The following LIN54 variants were observed in gnomAD, a reference collection of about 807,000 sequenced individuals.
LIN54 encodes the protein lin-54 DREAM MuvB core complex component.
A neutral mutation model predicts 78.7 loss-of-function variants in LIN54; 9 were observed. The ratio of observed to expected loss-of-function variants is 0.11; its 90% CI spans 0.07 to 0.20. LIN54 has a LOEUF of 0.20. Among genes scored for constraint, LIN54 ranks in the 10% least tolerant of loss-of-function variants. The pLI, the probability that LIN54 is intolerant of heterozygous loss-of-function variation, is 1.00. For synonymous variants in LIN54, 269 were observed against 318.4 expected (o/e 0.84, Z 1.65); for missense variants, 573 against 889.9 (o/e 0.64, Z 4.53).
At chr4:82,972,398 G>GT (rs1176917983) in intron 3 of LIN54, among the ~76,000 whole-genome samples, 1 of 151,892 alleles carries the variant, frequency 6.6e-6, no homozygotes, top group Non-Finnish European at 1.5e-5. Context: ...ATTCTGCCAG[G>GT]TTTTTTAAAA....
chr4:83,004,883 G>A lies in LIN54; in HGVS notation c.-33+5601C>T, dbSNP rs576374997. ...TGGTTTTACAGTTTTGTTTACATTA[G>A]ATTTATAAATTTACTTTTTGTTTGT... On this transcript the variant is annotated intron_variant, in intron 1 of 12. Transcript: ENST00000340417. 5.9e-5 allele frequency among the ~76,000 whole-genome samples: 9 copies of A among 152,052 alleles called. No homozygotes were observed. In the South Asian group the frequency reaches 1.9e-3, roughly 32 times the overall value.
rs571516075 is a variant in LIN54 at position 82,926,115 on chromosome 4, A to G, written c.*1987T>C. 1 of 152,750 alleles carries G rather than the reference A, an allele frequency of 6.5e-6. No homozygotes were observed. Among genetic ancestry groups the G allele is most frequent in the South Asian group, 2.1e-4 (1 of 4,834 alleles). 9.5% of individuals were successfully genotyped at this position (152,750 alleles called of 1,614,324 possible). On this transcript the variant is annotated 3_prime_UTR_variant, in exon 13 of 13. Coordinates refer to ENST00000340417, the MANE Select transcript of LIN54 (RefSeq NM_194282.4). ...GCAATGCCATCATACATAATCTACAATTGTAATCAAAATTTCACGAACATT... is the reference window on the plus strand; with the variant it reads ...GCAATGCCATCATACATAATCTACAGTTGTAATCAAAATTTCACGAACATT...
chr4:83,012,122 T>A (rs2126121478), upstream of LIN54: 1 of 687,300 alleles, frequency 1.5e-6, no homozygotes, highest in African/African-American at 1.9e-5. Flanking sequence ...GACTACCAGA[T>A]GCTGAGAGTA....
intron 1 of LIN54, among the ~76,000 whole-genome samples, chr4:83,002,948 A>G (rs970979630): frequency 3.3e-5 from 5 of 152,158 alleles, no homozygotes; most frequent in Non-Finnish European, 4.4e-5. Context: ...TCAAGGGTCA[A>G]CTGTATTTTT....
intron 1 of LIN54, among the ~76,000 whole-genome samples, chr4:82,995,705 C>A (rs1728158000): frequency 6.6e-6 from 1 of 151,586 alleles, no homozygotes; most frequent in African/African-American, 2.4e-5. Flanking sequence ...CCATGTTAGC[C>A]AGGCTGGTCT....
rs1010515116 is a variant in LIN54 at position 82,927,179 on chromosome 4, A to C, written c.*923T>G. 3.9e-5 allele frequency: 6 copies of C among 151,902 alleles called. No individual in the cohort carries two copies. Among genetic ancestry groups the C allele is most frequent in the Admixed American group, 6.6e-5 (1 of 15,246 alleles). 9.4% of individuals were successfully genotyped at this position (151,902 alleles called of 1,614,324 possible). ...AAAAAAAAAAAAAGTCTGTAAAAAT[A>C]ATTGATTGTATAGATGAAAACTTCT... is the stretch of plus-strand genomic sequence containing the variant. On this transcript the variant is annotated 3_prime_UTR_variant, in exon 13 of 13. Transcript: ENST00000340417.
At chr4:82,947,207 T>TTATATATATATATATATATA (rs1207992875) in intron 4 of LIN54, among the ~76,000 whole-genome samples, 2 of 76,222 alleles carry the variant, frequency 2.6e-5, no homozygotes, top group African/African-American at 1.1e-4. Flanking sequence ...AAAAAAAAAT[T>TTATATATATATATATATATA]TATATATATA....
chr4:82,984,928 G>A, intron 1 of LIN54, 52 bp from the exon 2 acceptor site: 3 of 1,320,260 alleles, frequency 2.3e-6, no homozygotes, highest in East Asian at 2.4e-5. Flanking sequence ...AAAGATGTAA[G>A]AAAAAAATTC....
At chr4:83,001,600 C>A (rs1288469798) in intron 1 of LIN54, among the ~76,000 whole-genome samples, 3 of 151,038 alleles carry the variant, frequency 2.0e-5, no homozygotes, top group African/African-American at 4.9e-5. Context: ...AATCCCAGCA[C>A]CTTGGGAGGC....
rs568453277 is a variant in LIN54, at chr4:82,963,248, T to G, written c.951+7079A>C. 3.9e-5 allele frequency among the ~76,000 whole-genome samples: 6 copies of G among 152,250 alleles called. No individual in the cohort carries two copies. In the East Asian group the frequency reaches 7.7e-4, roughly 20 times the overall value. ...CTCTCAATTCTTTACCCAATGAAAA[T>G]ATCTTTTAAAAATAATGGCAAGATA... is the stretch of plus-strand genomic sequence containing the variant. On this transcript the variant is annotated intron_variant, in intron 4 of 12. Coordinates refer to ENST00000340417, the MANE Select transcript of LIN54 (RefSeq NM_194282.4).
At chr4:82,954,870 C>A (rs749632502) in intron 4 of LIN54, among the ~76,000 whole-genome samples, 2 of 152,126 alleles carry the variant, frequency 1.3e-5, no homozygotes, top group Non-Finnish European at 2.9e-5. Flanking sequence ...GGCTCACAGA[C>A]CTAAACATAA....
intron 4 of LIN54, among the ~76,000 whole-genome samples, chr4:82,947,172 A>G (rs1158976991): frequency 1.4e-5 from 2 of 144,968 alleles, no homozygotes; most frequent in East Asian, 4.0e-4. Flanking sequence ...TTGTCTAGGG[A>G]AACTAGTTTT....
intron 4 of LIN54, among the ~76,000 whole-genome samples, chr4:82,969,307 A>T (rs1019992445): frequency 2.0e-5 from 3 of 152,188 alleles, no homozygotes; most frequent in East Asian, 3.8e-4. Context: ...TCCATCTATG[A>T]CCATTGTAAT....
At chr4:83,011,104 CA>C (rs2126120823), upstream of LIN54, among the ~76,000 whole-genome samples, 1 of 152,292 alleles carries the variant, frequency 6.6e-6, no homozygotes, top group East Asian at 1.9e-4. Context: ...ATAAAGAACC[CA>C]AACTCTTTCA....
chr4:82,926,870 T>C lies in LIN54; in HGVS notation c.*1232A>G, dbSNP rs1193991954. 1.3e-5 allele frequency: 2 copies of C among 152,186 alleles called. No individual in the cohort carries two copies. Among genetic ancestry groups the C allele is most frequent in the Non-Finnish European group, 2.9e-5 (2 of 68,050 alleles). 9.4% of individuals were successfully genotyped at this position (152,186 alleles called of 1,614,324 possible). A position where few individuals can be genotyped will look rare whatever the true frequency, so the allele number is the denominator to read the frequency against. The stretch of plus-strand genomic sequence containing the variant: ...AGTTCAAAAGTCTATAAAAAGGGCC[T>C]GGCACGGCGGCTTATGCCTGTAATC... On this transcript the variant is annotated 3_prime_UTR_variant, in exon 13 of 13. Transcript: ENST00000340417.
chr4:82,933,301 C>T (rs954202605), intron 11 of LIN54, among the ~76,000 whole-genome samples: 10 of 149,926 alleles, frequency 6.7e-5, no homozygotes, highest in African/African-American at 2.4e-4. Flanking sequence ...ATAGGAAAGA[C>T]ATTAATAGTG....
intron 4 of LIN54, among the ~76,000 whole-genome samples, chr4:82,962,550 G>A (rs1156508842): frequency 2.6e-5 from 4 of 151,502 alleles, no homozygotes; most frequent in African/African-American, 4.9e-5. Flanking sequence ...TAGAAAAGAC[G>A]GACAACAGAT....
chr4:82,947,625 A>G (rs1220513538), intron 4 of LIN54, among the ~76,000 whole-genome samples: 10 of 152,098 alleles, frequency 6.6e-5, no homozygotes, highest in East Asian at 1.9e-4. Flanking sequence ...TGGTCTGACA[A>G]AAGGCAATGG....
chr4:82,987,425 A>C (rs558280778), intron 1 of LIN54, among the ~76,000 whole-genome samples: 1 of 152,286 alleles, frequency 6.6e-6, no homozygotes, highest in Non-Finnish European at 1.5e-5. Context: ...AAAACAAAAA[A>C]CAAACGGGAT....
Sources: gnomAD v4.1 joint callset for allele counts (sites outside exome capture counted in the v4.1 genomes callset) on GRCh38, gnomAD v4.1.1 for gene constraint, MANE v1.5 for transcripts, NCBI Gene and HGNC (gene_info 2026-07-23, HGNC 2026-07-21) for gene names.